Variants in FMN1 observed in about 807,000 individuals in gnomAD.
The protein encoded by FMN1 is formin-1.
FMN1 carries 110 observed loss-of-function variants against 132.4 expected under a neutral mutation model. The observed-to-expected ratio is 0.83, with a 90% confidence interval of 0.71 to 0.97. The LOEUF (loss-of-function observed/expected upper bound fraction) is 0.97, where lower values mean the gene tolerates loss of function less well. FMN1 is among the 50% of genes least tolerant of loss of function. FMN1 has a pLI of 0.00. For synonymous variants in FMN1, 722 were observed against 651.7 expected (o/e 1.11, Z -1.64); for missense variants, 1,792 against 1,705.3 (o/e 1.05, Z -0.90).
At chr15:32,852,195 C>T (rs1235172263) in intron 17 of FMN1, among the ~76,000 whole-genome samples, 1 of 152,160 alleles carries the variant, frequency 6.6e-6, no homozygotes, top group Non-Finnish European at 1.5e-5. Context: ...CTAAAGTTGA[C>T]CTCACTGTCT....
chr15:33,087,443 G>A (rs2038738908), intron 5 of FMN1, among the ~76,000 whole-genome samples: 1 of 152,208 alleles, frequency 6.6e-6, no homozygotes, highest in Non-Finnish European at 1.5e-5. Flanking sequence ...CTTCTCAGGA[G>A]GCTGAGGTGG....
chr15:33,085,559 A>G (rs2038656547), intron 5 of FMN1, among the ~76,000 whole-genome samples: 1 of 149,410 alleles, frequency 6.7e-6, no homozygotes, highest in Admixed American at 6.7e-5. Context: ...AATTATACAT[A>G]TATACATATG....
chr15:32,784,244 C>T (rs1468166758), intron 19 of FMN1, among the ~76,000 whole-genome samples: 2 of 152,132 alleles, frequency 1.3e-5, no homozygotes, highest in Non-Finnish European at 2.9e-5. Flanking sequence ...AAAGGTGTTT[C>T]AGGGAGAAGA....
At chr15:32,893,606 A>G (rs1417092124) in intron 15 of FMN1, among the ~76,000 whole-genome samples, 22 of 152,224 alleles carry the variant, frequency 1.4e-4, no homozygotes, top group Non-Finnish European at 1.5e-5. Flanking sequence ...ACTAACCAAA[A>G]AAGTCATCAC....
chr15:33,130,911 G>A (rs1412003504), intron 4 of FMN1, among the ~76,000 whole-genome samples: 2 of 152,162 alleles, frequency 1.3e-5, no homozygotes, highest in Non-Finnish European at 2.9e-5. Context: ...CTTTAGCCAA[G>A]GTTACTTCAA....
intron 7 of FMN1, among the ~76,000 whole-genome samples, chr15:32,982,460 T>C (rs1022534156): frequency 1.1e-4 from 16 of 152,236 alleles, no homozygotes; most frequent in Non-Finnish European, 2.9e-5. Context: ...TGAAAATCCA[T>C]ATACTAATGT....
At chr15:33,141,432 A>C (rs1331391144) in intron 4 of FMN1, among the ~76,000 whole-genome samples, 1 of 152,174 alleles carries the variant, frequency 6.6e-6, no homozygotes, top group East Asian at 1.9e-4. Flanking sequence ...GGGAGCTGTT[A>C]TGGGTAACAT....
At chr15:33,104,462 C>G (rs755710834) in intron 4 of FMN1, among the ~76,000 whole-genome samples, 2 of 150,392 alleles carry the variant, frequency 1.3e-5, no homozygotes, top group Non-Finnish European at 2.9e-5. Flanking sequence ...ATATGTATTA[C>G]TGATAGAGAT....
intron 17 of FMN1, among the ~76,000 whole-genome samples, chr15:32,841,836 G>A (rs2058751832): frequency 6.6e-6 from 1 of 152,154 alleles, no homozygotes; most frequent in South Asian, 2.1e-4. Flanking sequence ...CACACTTAAA[G>A]ATTATACAAT....
At chr15:33,059,451 G>C (rs1424772604) in intron 6 of FMN1, among the ~76,000 whole-genome samples, 1 of 152,032 alleles carries the variant, frequency 6.6e-6, no homozygotes, top group African/African-American at 2.4e-5. Context: ...TCTATTTTTA[G>C]TTTTTTCAGG....
intron 17 of FMN1, among the ~76,000 whole-genome samples, chr15:32,839,310 T>C (rs189569550): frequency 9.7e-4 from 147 of 152,214 alleles, no homozygotes; most frequent in African/African-American, 3.3e-3. Flanking sequence ...CCACGGAGCG[T>C]CAGCACCAAC....
intron 6 of FMN1, among the ~76,000 whole-genome samples, chr15:33,018,262 C>A (rs907785171): frequency 2.0e-5 from 3 of 151,972 alleles, no homozygotes; most frequent in Non-Finnish European, 1.5e-5. Flanking sequence ...CTTACACTTT[C>A]CAAAGTGATG....
At chr15:33,132,396 G>A (rs1009543831) in intron 4 of FMN1, among the ~76,000 whole-genome samples, 3 of 152,090 alleles carry the variant, frequency 2.0e-5, no homozygotes, top group East Asian at 1.9e-4. Flanking sequence ...AACTCAGCAC[G>A]TAGGCTTCAG....
At chr15:33,010,722 G>C (rs1156268346) in intron 6 of FMN1, among the ~76,000 whole-genome samples, 3 of 152,024 alleles carry the variant, frequency 2.0e-5, no homozygotes, top group Non-Finnish European at 2.9e-5. Context: ...TGCATGTTTA[G>C]CAGAGTTGCT....
At position 33,172,789 on chromosome 15, in the gene FMN1, A is replaced by G. The variant is rs1287406489; in HGVS notation, c.-132+7409T>C. 2.0e-5 allele frequency among the ~76,000 whole-genome samples: 3 copies of G among 152,230 alleles called. No homozygotes were observed. In the East Asian group the frequency reaches 5.8e-4, roughly 29 times the overall value. On this transcript the variant is annotated intron_variant, in intron 3 of 20. Coordinates refer to ENST00000616417, the MANE Select transcript of FMN1 (RefSeq NM_001277313.2). Reference sequence around the variant, plus strand: ...GTATAGCACACTGAGTAGAGATTAAAGACTGTCAATATTCTAGCTTATCAG... The same window carrying G: ...GTATAGCACACTGAGTAGAGATTAAGGACTGTCAATATTCTAGCTTATCAG...
intron 7 of FMN1, among the ~76,000 whole-genome samples, chr15:32,984,978 CAAAA>C (rs11330959): frequency 2.5e-4 from 24 of 97,242 alleles, no homozygotes; most frequent in East Asian, 2.3e-3. Flanking sequence ...CATCCATCAC[CAAAA>C]AAAAAAAAAA....
At chr15:32,958,033 T>C (rs546015418) in intron 9 of FMN1, among the ~76,000 whole-genome samples, 5 of 152,134 alleles carry the variant, frequency 3.3e-5, no homozygotes, top group African/African-American at 9.7e-5. Context: ...TATTTTATTA[T>C]AGCTAATATT....
At chr15:32,905,256 AT>A (rs2060394099) in intron 12 of FMN1, among the ~76,000 whole-genome samples, 1 of 152,228 alleles carries the variant, frequency 6.6e-6, no homozygotes, top group South Asian at 2.1e-4. Flanking sequence ...CTAACATTTG[AT>A]TTATTATCCC....
At chr15:33,147,596 A>G (rs923852586) in intron 4 of FMN1, among the ~76,000 whole-genome samples, 1 of 152,254 alleles carries the variant, frequency 6.6e-6, no homozygotes, top group Non-Finnish European at 1.5e-5. Flanking sequence ...GCATAATTCA[A>G]TCTTAATCTG....
Sources: allele counts gnomAD v4.1 joint callset (sites outside exome capture counted in the v4.1 genomes callset), GRCh38; gene constraint gnomAD v4.1.1; transcripts MANE v1.5; gene names NCBI Gene and HGNC (gene_info 2026-07-23, HGNC 2026-07-21).